The following MYT1L variants were observed in gnomAD, a reference collection of about 807,000 sequenced individuals.
The protein encoded by MYT1L is myelin transcription factor 1-like protein.
In MYT1L, 12 loss-of-function variants were observed where a neutral mutation model predicts 126.7. The observed-to-expected ratio is 0.09, with a 90% CI of 0.06 to 0.15. The LOEUF (loss-of-function observed/expected upper bound fraction) is 0.15. MYT1L is among the 10% of genes least tolerant of loss of function. The probability of loss-of-function intolerance (pLI) is 1.00; values close to 1 mark genes in which losing one functional copy is unlikely to be tolerated. For synonymous variants in MYT1L, 541 were observed against 604.2 expected (o/e 0.90, Z 1.53); for missense variants, 979 against 1,585.2 (o/e 0.62, Z 6.49).
chr2:1,794,608 C>T (rs776784297), intron 23 of MYT1L, among the ~76,000 whole-genome samples: 2 of 152,148 alleles, frequency 1.3e-5, no homozygotes, highest in East Asian at 1.9e-4. Context: ...CTTGGGGACA[C>T]ATTTTAGATC....
intron 9 of MYT1L, among the ~76,000 whole-genome samples, chr2:1,940,925 G>T (rs896381755): frequency 3.3e-5 from 5 of 152,254 alleles, no homozygotes; most frequent in African/African-American, 1.2e-4. Flanking sequence ...CGATCAGCCA[G>T]TCGCTCCTTT....
intron 3 of MYT1L, among the ~76,000 whole-genome samples, chr2:2,118,113 T>C (rs11899535): frequency 0.015 from 2,160 of 148,860 alleles, 47 homozygotes; most frequent in African/African-American, 0.037. Flanking sequence ...TATATTTTTA[T>C]ATATAATATT....
intron 4 of MYT1L, among the ~76,000 whole-genome samples, chr2:2,050,006 G>T (rs1464946682): frequency 6.6e-6 from 1 of 151,942 alleles, no homozygotes; most frequent in Non-Finnish European, 1.5e-5. Flanking sequence ...TTCATAGGGG[G>T]TTTTTTGACG....
chr2:2,167,800 T>C (rs2148496297), intron 3 of MYT1L, among the ~76,000 whole-genome samples: 1 of 152,340 alleles, frequency 6.6e-6, no homozygotes, highest in South Asian at 2.1e-4. Flanking sequence ...TCTCCAGGTG[T>C]TCTCTTGTTG....
intron 2 of MYT1L, among the ~76,000 whole-genome samples, chr2:2,283,773 C>T (rs746061404): frequency 6.6e-6 from 1 of 152,136 alleles, no homozygotes; most frequent in African/African-American, 2.4e-5. Context: ...CAAATGATTC[C>T]CAAGGATGTG....
At chr2:1,868,286 C>A (rs1339211773) in intron 18 of MYT1L, among the ~76,000 whole-genome samples, 1 of 152,200 alleles carries the variant, frequency 6.6e-6, no homozygotes, top group East Asian at 1.9e-4. Flanking sequence ...TTAAGAAAAT[C>A]ATTTAAAAAT....
At chr2:2,134,367 C>T (rs563599134) in intron 3 of MYT1L, among the ~76,000 whole-genome samples, 1 of 152,294 alleles carries the variant, frequency 6.6e-6, no homozygotes, top group African/African-American at 2.4e-5. Flanking sequence ...TCCCTGAAAT[C>T]CACTTTTACA....
chr2:2,142,888 T>G (rs538096710), intron 3 of MYT1L, among the ~76,000 whole-genome samples: 1 of 151,786 alleles, frequency 6.6e-6, no homozygotes, highest in Non-Finnish European at 1.5e-5. Context: ...GATCTTGCCA[T>G]GTTGGCCAGG....
intron 3 of MYT1L, among the ~76,000 whole-genome samples, chr2:2,112,250 G>A (rs1489933570): frequency 6.6e-6 from 1 of 152,146 alleles, no homozygotes; most frequent in African/African-American, 2.4e-5. Flanking sequence ...GCAGGCTTCT[G>A]TGACCAAAAT....
chr2:2,153,871 C>T (rs75184626), intron 3 of MYT1L, among the ~76,000 whole-genome samples: 2,328 of 152,074 alleles, frequency 0.015, 53 homozygotes, highest in African/African-American at 0.053. Flanking sequence ...AACAGCAGAA[C>T]GAACACGGAG....
chr2:2,001,429 T>TA (rs1461056834), intron 4 of MYT1L, among the ~76,000 whole-genome samples: 5 of 152,210 alleles, frequency 3.3e-5, no homozygotes, highest in Admixed American at 2.0e-4. Flanking sequence ...TACAAAAGGA[T>TA]AGAGATCATG....
chr2:1,814,024 C>CT (rs2037210740), intron 21 of MYT1L, among the ~76,000 whole-genome samples: 2 of 109,180 alleles, frequency 1.8e-5, no homozygotes, highest in Non-Finnish European at 3.9e-5. Context: ...GAGACTCCGT[C>CT]CCCAAAAAAA....
At chr2:2,022,029 G>GA (rs777799647) in intron 4 of MYT1L, among the ~76,000 whole-genome samples, 1 of 152,228 alleles carries the variant, frequency 6.6e-6, no homozygotes, top group East Asian at 1.9e-4. Context: ...AAAAGGGGCT[G>GA]AAAAATCTCA....
chr2:2,235,175 T>C (rs1391028353), intron 2 of MYT1L, among the ~76,000 whole-genome samples: 2 of 152,032 alleles, frequency 1.3e-5, no homozygotes, highest in African/African-American at 4.8e-5. Context: ...CTTAGAGGGG[T>C]GTGTGTTAGC....
chr2:1,801,184 G>A lies in MYT1L; in HGVS notation c.3276+512C>T, dbSNP rs1421549298. On this transcript the variant is annotated intron_variant, in intron 23 of 24. Coordinates refer to ENST00000647738, the MANE Select transcript of MYT1L (RefSeq NM_001303052.2). The surrounding 1 kb of genome is among the most constrained non-coding windows in gnomAD (Gnocchi z 4.2). ...CTGCTTGTGGGCATGGAGGGGGTTA[G>A]GTGACCACAGCTGCTCTGCCAGCTG... 1 of 153,482 alleles carries A rather than the reference G, an allele frequency of 6.5e-6. No homozygotes were observed. Among genetic ancestry groups the A allele is most frequent in the Non-Finnish European group, 1.4e-5 (1 of 69,104 alleles). 9.5% of individuals were successfully genotyped at this position (153,482 alleles called of 1,614,324 possible).
chr2:2,190,949 G>A (rs2092559504), intron 2 of MYT1L, among the ~76,000 whole-genome samples: 1 of 152,186 alleles, frequency 6.6e-6, no homozygotes, highest in South Asian at 2.1e-4. Context: ...CCACACCCAG[G>A]TAATTTTGTA....
chr2:2,292,095 G>A (rs1163924645), intron 1 of MYT1L, among the ~76,000 whole-genome samples: 1 of 152,216 alleles, frequency 6.6e-6, no homozygotes, highest in Non-Finnish European at 1.5e-5. Context: ...GTGTGGAGCG[G>A]GAAGGAAGGA....
intron 1 of MYT1L, among the ~76,000 whole-genome samples, chr2:2,297,957 G>A (rs1054830109): frequency 3.3e-5 from 5 of 152,288 alleles, no homozygotes; most frequent in Admixed American, 2.6e-4. Context: ...GTTACACAAC[G>A]AGGACCTGAG....
chr2:2,163,076 T>C (rs916675268), intron 3 of MYT1L, among the ~76,000 whole-genome samples: 15 of 152,200 alleles, frequency 9.9e-5, no homozygotes, highest in East Asian at 1.9e-4. Context: ...CTTGGCTAAG[T>C]GGGTCTATCT....
Sources: allele counts gnomAD v4.1 joint callset (sites outside exome capture counted in the v4.1 genomes callset), GRCh38; gene constraint gnomAD v4.1.1; non-coding constraint Gnocchi (gnomAD v3.1); transcripts MANE v1.5; gene names NCBI Gene and HGNC (gene_info 2026-07-23, HGNC 2026-07-21).